Variants in EPM2A observed in about 807,000 individuals in gnomAD.
The protein encoded by EPM2A is EPM2A glucan phosphatase, laforin, also known as laforin.
EPM2A carries 21 observed loss-of-function variants against 26.5 expected under a neutral mutation model. The ratio of observed to expected loss-of-function variants is 0.79; its 90% confidence interval spans 0.56 to 1.14. The LOEUF is 1.14. Among genes scored for constraint, EPM2A ranks in the 50% most tolerant of loss-of-function variants. The pLI is 0.00. For missense variants in EPM2A, 458 were observed against 440.8 expected (o/e 1.04, Z -0.35); for synonymous variants, 217 against 177.6 (o/e 1.22, Z -1.76).
At chr6:145,514,967 C>T (rs568367167) in intron 2 of EPM2A, among the ~76,000 whole-genome samples, 1 of 152,278 alleles carries the variant, frequency 6.6e-6, no homozygotes, top group South Asian at 2.1e-4. Flanking sequence ...TTTAGAAGTA[C>T]ATTGCTGGGG....
chr6:145,551,933 G>T (rs1297422132), intron 2 of EPM2A, among the ~76,000 whole-genome samples: 1 of 151,020 alleles, frequency 6.6e-6, no homozygotes, highest in South Asian at 2.1e-4. Flanking sequence ...TTCTAGATTC[G>T]ATATAGAACC....
downstream of EPM2A, among the ~76,000 whole-genome samples, chr6:145,497,439 G>A (rs897611544): frequency 1.3e-5 from 2 of 152,218 alleles, no homozygotes; most frequent in African/African-American, 2.4e-5. Flanking sequence ...GTGGGGTACA[G>A]ACATGTTGCC....
rs1161216312 is a variant in EPM2A, at chr6:145,729,720, T to G, written c.301+5478A>C. On this transcript the variant is annotated intron_variant, in intron 1 of 3. Coordinates refer to ENST00000367519, the MANE Select transcript of EPM2A (RefSeq NM_005670.4). ...TTGTCTCAGATGAGACTTTGGACTG[T>G]GAACTTCTGAGTTAATGCTGAAATA... 2.0e-5 allele frequency among the ~76,000 whole-genome samples: 3 copies of G among 152,326 alleles called. No individual in the cohort carries two copies. In the South Asian group the frequency reaches 6.2e-4, roughly 32 times the overall value.
At chr6:145,435,028 C>T (rs1162933329) in intron 4 of EPM2A, among the ~76,000 whole-genome samples, 1 of 152,162 alleles carries the variant, frequency 6.6e-6, no homozygotes, top group African/African-American at 2.4e-5. Flanking sequence ...CTGGTCCCAC[C>T]TTCCACCATA....
intron 4 of EPM2A, among the ~76,000 whole-genome samples, chr6:145,430,106 C>T (rs769552892): frequency 4.6e-5 from 7 of 151,782 alleles, no homozygotes; most frequent in South Asian, 2.1e-4. Flanking sequence ...GCAGGAGAAT[C>T]GCTTGAATTC....
intron 2 of EPM2A, among the ~76,000 whole-genome samples, chr6:145,523,155 A>G (rs1487123580): frequency 1.3e-5 from 2 of 152,136 alleles, no homozygotes; most frequent in Non-Finnish European, 2.9e-5. Flanking sequence ...TTTCAGTTGA[A>G]CTTTCTATAG....
intron 1 of EPM2A, among the ~76,000 whole-genome samples, chr6:145,732,200 CTT>C (rs1776521615): frequency 1.2e-5 from 1 of 82,034 alleles, no homozygotes; most frequent in African/African-American, 5.4e-5. Context: ...ACAGCTAAGA[CTT>C]GTGTGTGTGT....
intron 1 of EPM2A, among the ~76,000 whole-genome samples, chr6:145,691,504 G>C (rs140795433): frequency 0.016 from 2,379 of 152,058 alleles, 36 homozygotes; most frequent in Non-Finnish European, 0.025. Context: ...TAAACAAAAA[G>C]AAACTCTTTG....
intron 1 of EPM2A, among the ~76,000 whole-genome samples, chr6:145,686,654 AT>A (rs761224607): frequency 0.023 from 3,428 of 152,254 alleles, 46 homozygotes; most frequent in Admixed American, 0.031. Context: ...CCCCTGTATT[AT>A]ACACTTCTAT....
At chr6:145,413,042 C>T (rs993499429) in intron 4 of EPM2A, among the ~76,000 whole-genome samples, 4 of 152,114 alleles carry the variant, frequency 2.6e-5, no homozygotes, top group Non-Finnish European at 5.9e-5. Context: ...CTCTTTATGA[C>T]ATCAATTTTC....
intron 2 of EPM2A, among the ~76,000 whole-genome samples, chr6:145,515,243 C>T (rs1780109944): frequency 6.6e-6 from 1 of 152,106 alleles, no homozygotes; most frequent in Non-Finnish European, 1.5e-5. Context: ...ATATGGTTTT[C>T]TAGAGAGAAA....
intron 2 of EPM2A, among the ~76,000 whole-genome samples, chr6:145,514,562 T>C (rs1203263661): frequency 6.6e-6 from 1 of 152,152 alleles, no homozygotes; most frequent in African/African-American, 2.4e-5. Flanking sequence ...ATAAATACTA[T>C]AACAGTTATA....
chr6:145,594,957 G>A (rs1371997433), intron 2 of EPM2A, among the ~76,000 whole-genome samples: 1 of 150,868 alleles, frequency 6.6e-6, no homozygotes, highest in Non-Finnish European at 1.5e-5. Context: ...CTTTTTTGAT[G>A]TTTTTGTCCC....
intron 2 of EPM2A, among the ~76,000 whole-genome samples, chr6:145,560,692 G>A (rs1447037302): frequency 1.3e-5 from 2 of 152,054 alleles, no homozygotes; most frequent in Non-Finnish European, 2.9e-5. Context: ...AGTAACTTTA[G>A]TAATTTAGTA....
At chr6:145,596,667 C>T (rs1781347042) in intron 2 of EPM2A, among the ~76,000 whole-genome samples, 1 of 151,878 alleles carries the variant, frequency 6.6e-6, no homozygotes. Flanking sequence ...GCTTCCTACA[C>T]CTCCCACATT....
At chr6:145,461,726 T>C (rs562225391) in intron 4 of EPM2A, among the ~76,000 whole-genome samples, 6 of 152,228 alleles carry the variant, frequency 3.9e-5, no homozygotes, top group Non-Finnish European at 8.8e-5. Context: ...AAAAATGAAC[T>C]GGTTTCCCTA....
intron 2 of EPM2A, among the ~76,000 whole-genome samples, chr6:145,529,168 T>A (rs1780320004): frequency 6.6e-6 from 1 of 152,192 alleles, no homozygotes; most frequent in Non-Finnish European, 1.5e-5. Context: ...GTGGAAATGC[T>A]ATGAACATTG....
At chr6:145,726,972 G>C (rs1776242981) in intron 1 of EPM2A, among the ~76,000 whole-genome samples, 1 of 152,100 alleles carries the variant, frequency 6.6e-6, no homozygotes, top group Admixed American at 6.6e-5. Flanking sequence ...TGGGTAAGGA[G>C]TATATAAGAA....
At chr6:145,511,378 T>A (rs1780052901) in intron 2 of EPM2A, among the ~76,000 whole-genome samples, 3 of 152,142 alleles carry the variant, frequency 2.0e-5, no homozygotes, top group African/African-American at 7.2e-5. Flanking sequence ...CAAACTGAAT[T>A]GAGCAGCACA....
Sources: gnomAD v4.1 joint callset for allele counts (sites outside exome capture counted in the v4.1 genomes callset) on GRCh38, gnomAD v4.1.1 for gene constraint, MANE v1.5 for transcripts, NCBI Gene and HGNC (gene_info 2026-07-23, HGNC 2026-07-21) for gene names.